FGGY: variants seen among roughly 807,000 people sequenced by gnomAD.
FGGY encodes FGGY carbohydrate kinase domain containing.
FGGY carries 72 observed loss-of-function variants against 71.3 expected under a neutral mutation model. The ratio of observed to expected loss-of-function variants is 1.01; its 90% CI spans 0.84 to 1.23. The LOEUF is 1.23. Ranked by LOEUF, FGGY falls within the 50% of genes most tolerant of loss-of-function variation. FGGY has a pLI of 0.00. For synonymous variants in FGGY, 251 were observed against 250.3 expected, an observed-to-expected ratio of 1.00 and a Z score of -0.02; for missense variants, 668 against 682.3, an observed-to-expected ratio of 0.98 and a Z score of 0.23.
At chr1:59,652,826 G>A (rs980627323) in intron 11 of FGGY, among the ~76,000 whole-genome samples, 3 of 152,170 alleles carry the variant, frequency 2.0e-5, no homozygotes, top group Non-Finnish European at 4.4e-5. Flanking sequence ...GAGGAGAGAC[G>A]CTCTGCGTTT....
At chr1:59,631,304 C>T (rs1456667785) in intron 10 of FGGY, among the ~76,000 whole-genome samples, 7 of 152,198 alleles carry the variant, frequency 4.6e-5, no homozygotes, top group African/African-American at 7.2e-5. Flanking sequence ...AAGATGATCT[C>T]AGCTATGCTC....
intron 8 of FGGY, 51 bp downstream of exon 8, chr1:59,554,278 T>C: frequency 1.4e-6 from 2 of 1,434,832 alleles, no homozygotes; most frequent in Non-Finnish European, 1.9e-6. Flanking sequence ...GGAGGTAGCC[T>C]GGAAGGAGAC....
intron 14 of FGGY, among the ~76,000 whole-genome samples, chr1:59,752,682 G>A (rs1039198321): frequency 2.0e-5 from 3 of 152,140 alleles, no homozygotes; most frequent in East Asian, 1.9e-4. Context: ...TAGCTCCCAG[G>A]CCAGGTCATT....
intron 1 of FGGY, among the ~76,000 whole-genome samples, chr1:59,301,782 C>T (rs1222696137): frequency 2.2e-5 from 3 of 135,294 alleles, no homozygotes; most frequent in Non-Finnish European, 4.6e-5. Flanking sequence ...GGCGTGATCT[C>T]GGCTCACTGC....
At chr1:59,323,117 T>G (rs2153134215) in intron 2 of FGGY, among the ~76,000 whole-genome samples, 1 of 152,304 alleles carries the variant, frequency 6.6e-6, no homozygotes, top group East Asian at 1.9e-4. Context: ...TCCTCTCCCC[T>G]CCTTTCAGCC....
chr1:59,432,754 G>A (rs1009168598), intron 5 of FGGY, among the ~76,000 whole-genome samples: 1 of 152,204 alleles, frequency 6.6e-6, no homozygotes, highest in African/African-American at 2.4e-5. Context: ...AGTAGAAGCT[G>A]TAATAGTAGT....
intron 2 of FGGY, among the ~76,000 whole-genome samples, chr1:59,334,930 A>G (rs1419043190): frequency 1.3e-5 from 2 of 152,186 alleles, no homozygotes; most frequent in Admixed American, 6.5e-5. Context: ...TGTAAAATCT[A>G]TATCCTCCTC....
intron 14 of FGGY, among the ~76,000 whole-genome samples, chr1:59,704,374 A>G (rs1039334808): frequency 6.6e-6 from 1 of 152,202 alleles, no homozygotes; most frequent in Non-Finnish European, 1.5e-5. Context: ...CGAACAATGT[A>G]GGAATATATA....
chr1:59,334,075 G>A (rs1158981638), intron 2 of FGGY, among the ~76,000 whole-genome samples: 2 of 152,204 alleles, frequency 1.3e-5, no homozygotes, highest in African/African-American at 4.8e-5. Flanking sequence ...TGTGTGACAA[G>A]TGCAAGTTCC....
At chr1:59,449,722 C>T (rs970376650) in intron 5 of FGGY, among the ~76,000 whole-genome samples, 1 of 152,038 alleles carries the variant, frequency 6.6e-6, no homozygotes, top group African/African-American at 2.4e-5. Context: ...CAGCTACTCA[C>T]AAAACTAAGG....
intron 5 of FGGY, among the ~76,000 whole-genome samples, chr1:59,436,159 C>T (rs1384720832): frequency 6.6e-6 from 1 of 152,172 alleles, no homozygotes; most frequent in East Asian, 1.9e-4. Flanking sequence ...CCTCTTCACC[C>T]TCAATTGTCT....
intron 7 of FGGY, among the ~76,000 whole-genome samples, chr1:59,533,598 T>G (rs572841763): frequency 1.3e-5 from 2 of 152,324 alleles, no homozygotes; most frequent in South Asian, 4.1e-4. Flanking sequence ...AATGTCCCTG[T>G]CTGACAGCTT....
chr1:59,753,158 T>A (rs370920226), intron 14 of FGGY, among the ~76,000 whole-genome samples: 13 of 152,088 alleles, frequency 8.5e-5, no homozygotes, highest in African/African-American at 2.9e-4. Context: ...CAACTTCAAA[T>A]AAACCCTTTG....
At chr1:59,615,622 C>T (rs970323830) in intron 9 of FGGY, among the ~76,000 whole-genome samples, 2 of 152,164 alleles carry the variant, frequency 1.3e-5, no homozygotes, top group African/African-American at 2.4e-5. Context: ...AAAGCAACGG[C>T]AACAAAAGCC....
At chr1:59,384,950 T>C (rs936374124) in intron 5 of FGGY, among the ~76,000 whole-genome samples, 3 of 152,182 alleles carry the variant, frequency 2.0e-5, no homozygotes, top group African/African-American at 7.2e-5. Context: ...GATTGAAATT[T>C]GGTGTTTATT....
intron 1 of FGGY, among the ~76,000 whole-genome samples, chr1:59,306,343 A>G (rs2043440776): frequency 6.6e-6 from 1 of 152,222 alleles, no homozygotes; most frequent in Non-Finnish European, 1.5e-5. Flanking sequence ...TGAAGGAAGT[A>G]TATCAGAGGG....
Position 59,379,162 on chromosome 1 carries a change from A to AACAC in FGGY, c.554+353_554+356dup, listed in dbSNP as rs55986439. ...ACATGATGAATAAAAGGAAAAAATA[A>AACAC]ACACACACACACACACACACACACA... On this transcript the variant is annotated intron_variant, in intron 5 of 15. Transcript: ENST00000303721. Among the ~76,000 whole-genome samples, 996 of 143,220 alleles carry AACAC rather than the reference A, an allele frequency of 7.0e-3. 12 individuals carry two copies. The highest frequency in any genetic ancestry group is 0.021 in the African/African-American group (817 of 38,992). The allele number at this position is 143,220 out of a possible 152,430, so 94.0% of individuals were successfully genotyped here. A position where few individuals can be genotyped will look rare whatever the true frequency, so the allele number is the denominator to read the frequency against.
chr1:59,615,309 C>T (rs1223066208), intron 9 of FGGY, among the ~76,000 whole-genome samples: 1 of 152,116 alleles, frequency 6.6e-6, no homozygotes, highest in Non-Finnish European at 1.5e-5. Context: ...GAGATATAGA[C>T]CAATGAAACA....
intron 10 of FGGY, among the ~76,000 whole-genome samples, chr1:59,633,740 A>G (rs962262319): frequency 6.6e-5 from 10 of 152,212 alleles, no homozygotes; most frequent in African/African-American, 2.4e-4. Context: ...CTCATAAGAA[A>G]GAAATGGACA....
Sources: gnomAD v4.1 joint callset for allele counts (sites outside exome capture counted in the v4.1 genomes callset) on GRCh38, gnomAD v4.1.1 for gene constraint, MANE v1.5 for transcripts, NCBI Gene and HGNC (gene_info 2026-07-23, HGNC 2026-07-21) for gene names.